Variants in DHX9 observed in about 807,000 individuals in gnomAD.
DHX9 encodes ATP-dependent RNA helicase A.
Under a neutral mutation model 148.7 loss-of-function variants are expected in DHX9, and 27 were observed. The ratio of observed to expected loss-of-function variants is 0.18; its 90% confidence interval spans 0.13 to 0.25. DHX9 has a LOEUF of 0.25. Among genes scored for constraint, DHX9 ranks in the 10% least tolerant of loss-of-function variants. The probability of loss-of-function intolerance (pLI) is 1.00; values close to 1 mark genes in which losing one functional copy is unlikely to be tolerated. For missense variants in DHX9, 796 were observed against 1,559.6 expected, an observed-to-expected ratio of 0.51 and a Z score of 8.25; for synonymous variants, 529 against 516.6, an observed-to-expected ratio of 1.02 and a Z score of -0.33.
intron 12 of DHX9, 88 bp downstream of exon 12, chr1:182,860,272 A>T (rs1036006850): frequency 1.4e-5 from 16 of 1,113,298 alleles, no homozygotes; most frequent in Middle Eastern, 2.0e-4. Context: ...ATTATTTAAG[A>T]TTGAGAGAGC....
intron 1 of DHX9, 119 bp from the exon 2 acceptor site, chr1:182,842,426 C>G: frequency 3.5e-6 from 2 of 565,234 alleles, no homozygotes; most frequent in Middle Eastern, 4.2e-4. Context: ...TATGGGGAGT[C>G]TTAATAGCAA....
In DHX9 at chr1:182,858,537, T is replaced by A; in HGVS notation, c.811-14T>A. 6.3e-7 allele frequency: 1 copy of A among 1,596,796 alleles called. No individual in the cohort carries two copies. The highest frequency in any genetic ancestry group is 8.6e-7 in the Non-Finnish European group (1 of 1,169,344). The stretch of plus-strand genomic sequence containing the variant: ...TTTGAGTAGTGTTGTTAATGTGTGA[T>A]CCTTTTTCCATAGGTGGAGCCTTAC... On this transcript the variant is annotated splice_polypyrimidine_tract_variant and intron_variant, in intron 8 of 27. Coordinates refer to ENST00000367549, the MANE Select transcript of DHX9 (RefSeq NM_001357.5).
chr1:182,884,342 TTTA>T (rs1457005139), intron 26 of DHX9, among the ~76,000 whole-genome samples: 1 of 152,162 alleles, frequency 6.6e-6, no homozygotes, highest in Non-Finnish European at 1.5e-5. Context: ...TGCATATATT[TTTA>T]TTATATTTTA....
chr1:182,870,596 A>G (rs1479890395), intron 14 of DHX9, among the ~76,000 whole-genome samples: 1 of 152,238 alleles, frequency 6.6e-6, no homozygotes, highest in African/African-American at 2.4e-5. Context: ...GGTTATTTCA[A>G]AGTAGTTGAA....
chr1:182,881,675 C>A, intron 24 of DHX9, 28 bp downstream of exon 24: 2 of 1,564,754 alleles, frequency 1.3e-6, no homozygotes, highest in Non-Finnish European at 1.7e-6. Context: ...CTTAAGATAT[C>A]TTTAAAGTGA....
chr1:182,871,818 C>T (rs1409335074), intron 14 of DHX9, among the ~76,000 whole-genome samples: 12 of 152,102 alleles, frequency 7.9e-5, no homozygotes, highest in East Asian at 5.8e-4. Context: ...TATAGTCGGC[C>T]GAGGCGGGTG....
chr1:182,856,414 TA>T, intron 6 of DHX9, 117 bp from the exon 7 acceptor site: 1 of 754,536 alleles, frequency 1.3e-6, no homozygotes, highest in South Asian at 1.7e-5. Flanking sequence ...TAAATGTTGG[TA>T]ATTTTTTTTT....
At chr1:182,875,995 C>CTTA (rs1648747722) in intron 16 of DHX9, 55 bp from the exon 17 acceptor site, 2 of 1,409,726 alleles carry the variant, frequency 1.4e-6, no homozygotes, top group South Asian at 2.4e-5. Context: ...ATCTAGAAGA[C>CTTA]TTACCTCATG....
intron 7 of DHX9, 36 bp from the exon 8 acceptor site, chr1:182,858,068 T>G: frequency 6.3e-7 from 1 of 1,590,734 alleles, no homozygotes; most frequent in South Asian, 1.1e-5. Flanking sequence ...CTCAGATGAT[T>G]TCTTTCTGTC....
In DHX9 at chr1:182,872,486, A is replaced by C. The variant is rs373974248; in HGVS notation, c.1707A>C (p.Pro569=). ...TTGAAGTTTATGGGAGGACTTACCCAGTTCAAGGTAATATTGTGGGGGTGG... is the reference window on the plus strand; with the variant it reads ...TTGAAGTTTATGGGAGGACTTACCCCGTTCAAGGTAATATTGTGGGGGTGG... The part of the protein sequence containing the change: ...PIIEVYGRTY[P]VQEYFLEDCI... The change falls in exon 15 of 28, where the codon CCA becomes CCC. Residue 569 remains proline, a synonymous_variant. Coordinates refer to ENST00000367549, the MANE Select transcript of DHX9 (RefSeq NM_001357.5). The C allele has an allele frequency of 6.6e-5, 107 of 1,613,138 alleles. No homozygotes were observed. Among genetic ancestry groups the C allele is most frequent in the Non-Finnish European group, 8.7e-5 (103 of 1,179,686 alleles).
intron 3 of DHX9, among the ~76,000 whole-genome samples, chr1:182,845,075 CTAAGAACTCGA>C (rs1383125877): frequency 3.3e-5 from 5 of 152,206 alleles, no homozygotes; most frequent in Non-Finnish European, 7.3e-5. Flanking sequence ...ATTCCTTTGA[CTAAGAACTCGA>C]TAGACTTACT....
At chr1:182,845,042 T>C (rs1312526444) in intron 3 of DHX9, among the ~76,000 whole-genome samples, 2 of 152,266 alleles carry the variant, frequency 1.3e-5, no homozygotes, top group Admixed American at 6.5e-5. Context: ...TGACTCGTTA[T>C]GAAAGAAATC....
At position 182,843,283 on chromosome 1, in the gene DHX9, T is replaced by G; in HGVS notation, c.112-11T>G. Reference sequence around the variant, plus strand: ...AGGTCAGTCTCTTAGTACTTTTTTTTTTTTTTAAAGGTTCAGGTGGAAGGT... The same window carrying G: ...AGGTCAGTCTCTTAGTACTTTTTTTGTTTTTTAAAGGTTCAGGTGGAAGGT... On this transcript the variant is annotated splice_polypyrimidine_tract_variant and intron_variant, in intron 2 of 27. Transcript: ENST00000367549. 6 of 1,554,528 alleles carry G rather than the reference T, an allele frequency of 3.9e-6. No individual in the cohort carries two copies. Among genetic ancestry groups the G allele is most frequent in the Non-Finnish European group, 5.2e-6 (6 of 1,160,040 alleles).
chr1:182,880,630 T>C, intron 22 of DHX9, 22 bp downstream of exon 22: 2 of 1,477,286 alleles, frequency 1.4e-6, no homozygotes, highest in Non-Finnish European at 9.5e-7. Flanking sequence ...GTTTTATTTC[T>C]CTTCGTTAAG....
At position 182,887,256 on chromosome 1, in the gene DHX9, C is replaced by G. The variant is rs2102625378; in HGVS notation, c.3635C>G (p.Ala1212Gly). 1.9e-6 allele frequency: 3 copies of G among 1,614,024 alleles called. No individual in the cohort carries two copies. The highest frequency in any genetic ancestry group is 2.5e-6 in the Non-Finnish European group (3 of 1,180,016). The change falls in exon 28 of 28, where the codon GCA becomes GGA. Residue 1212 changes from alanine to glycine, a missense_variant. Coordinates refer to ENST00000367549, the MANE Select transcript of DHX9 (RefSeq NM_001357.5). ...AACTCCTTTCGGGCAGGATATGGTG[C>G]AGGTGTTGGTGGAGGCTATAGAGGA... ...SANSFRAGYGAGVGGGYRGVS... is the reference protein window; with the variant it reads ...SANSFRAGYGGGVGGGYRGVS...
At chr1:182,839,837 T>C (rs1378066410) in intron 1 of DHX9, 1 of 152,330 alleles carries the variant, frequency 6.6e-6, no homozygotes, top group Non-Finnish European at 1.5e-5. Context: ...CTTCATTCAT[T>C]CAAGCCACGA....
chr1:182,852,221 T>C lies in DHX9; in HGVS notation c.253-12T>C, dbSNP rs998856570. The C allele has an allele frequency of 6.3e-7, 1 of 1,589,874 alleles. No homozygotes were observed. The highest frequency in any genetic ancestry group is 1.4e-5 in the African/African-American group (1 of 73,764). On this transcript the variant is annotated splice_polypyrimidine_tract_variant and intron_variant, in intron 3 of 27. Transcript: ENST00000367549. ...AAAGCACTGACAGCTGCCTTGACTTTTTCTTTTGCAGGTAGCATCTCCGCC... is the reference window on the plus strand; with the variant it reads ...AAAGCACTGACAGCTGCCTTGACTTCTTCTTTTGCAGGTAGCATCTCCGCC...
intron 12 of DHX9, among the ~76,000 whole-genome samples, chr1:182,861,195 A>G (rs1333892892): frequency 1.3e-5 from 2 of 150,336 alleles, no homozygotes; most frequent in Non-Finnish European, 3.0e-5. Flanking sequence ...TTTTCTCCTG[A>G]AAAAAAAAAT....
chr1:182,860,296 A>T, intron 12 of DHX9, 112 bp downstream of exon 12: 1 of 923,174 alleles, frequency 1.1e-6, no homozygotes, highest in Non-Finnish European at 1.5e-6. Context: ...GTGCCCTTGA[A>T]ATTAAATTTA....
Sources: gnomAD v4.1 joint callset for allele counts (sites outside exome capture counted in the v4.1 genomes callset) on GRCh38, gnomAD v4.1.1 for gene constraint, MANE v1.5 for transcripts, NCBI Gene and HGNC (gene_info 2026-07-23, HGNC 2026-07-21) for gene names.